BRD10: variants seen among roughly 807,000 people sequenced by gnomAD.
BRD10 encodes the protein uncharacterized bromodomain-containing protein 10.
the BRD10 span, chr9:5,923,451 C>A: frequency 1.6e-6 from 1 of 626,036 alleles, no homozygotes; most frequent in Middle Eastern, 4.3e-4. Flanking sequence ...AGCCTTAGCA[C>A]CACTGATGAA....
chr9:5,923,017 T>C, the BRD10 span: 2 of 1,614,030 alleles, frequency 1.2e-6, no homozygotes, highest in Non-Finnish European at 1.7e-6. Flanking sequence ...ACACTGGTAC[T>C]GAATCCAATG....
the BRD10 span, among the ~76,000 whole-genome samples, chr9:5,896,724 T>C: frequency 6.6e-6 from 1 of 152,234 alleles, no homozygotes; most frequent in East Asian, 1.9e-4. Flanking sequence ...CTCCAGGCCC[T>C]GTTTCCAGGG....
the BRD10 span, chr9:5,898,310 T>A: frequency 6.6e-6 from 1 of 152,670 alleles, no homozygotes; most frequent in East Asian, 1.9e-4. Context: ...CCTCCCAAAG[T>A]GTTGGGACTA....
chr9:5,913,973 A>G, the BRD10 span: 1 of 450,466 alleles, frequency 2.2e-6, no homozygotes. Context: ...GGAAAGAAGC[A>G]CTTTCTGCTA....
chr9:5,900,435 A>G, the BRD10 span, among the ~76,000 whole-genome samples: 45 of 152,304 alleles, frequency 3.0e-4, no homozygotes, highest in African/African-American at 1.1e-3. Context: ...GTCAGTTTGG[A>G]GATCAGCAGT....
the BRD10 span, chr9:6,007,633 T>A: frequency 1.2e-6 from 2 of 1,602,496 alleles, no homozygotes; most frequent in Non-Finnish European, 1.7e-6. Context: ...ATCGTCCGCG[T>A]CCTCCAGCGA....
At chr9:5,943,648 C>T in the BRD10 span, among the ~76,000 whole-genome samples, 1 of 151,712 alleles carries the variant, frequency 6.6e-6, no homozygotes, top group Non-Finnish European at 1.5e-5. Context: ...AACAGATGGT[C>T]TTCCACATCA....
At chr9:5,953,993 C>A in the BRD10 span, 1 of 1,452,318 alleles carries the variant, frequency 6.9e-7, no homozygotes, top group Admixed American at 2.1e-5. Context: ...TGAAAAATTT[C>A]GAGACAAAGT....
the BRD10 span, among the ~76,000 whole-genome samples, chr9:5,951,582 A>G: frequency 6.6e-6 from 1 of 152,194 alleles, no homozygotes; most frequent in Non-Finnish European, 1.5e-5. Flanking sequence ...CACCTTGAAC[A>G]AAACAAATAA....
At chr9:5,968,002 C>T in the BRD10 span, 3 of 1,392,918 alleles carry the variant, frequency 2.2e-6, no homozygotes, top group Non-Finnish European at 2.9e-6. Context: ...AACTCCCATC[C>T]ATTTGTGTTA....
chr9:5,952,222 T>C, the BRD10 span, among the ~76,000 whole-genome samples: 5 of 151,826 alleles, frequency 3.3e-5, no homozygotes, highest in African/African-American at 1.2e-4. Flanking sequence ...TGGGGTTTCA[T>C]ATAGGTCAGG....
the BRD10 span, among the ~76,000 whole-genome samples, chr9:5,951,532 T>C: frequency 6.6e-6 from 1 of 152,212 alleles, no homozygotes; most frequent in Non-Finnish European, 1.5e-5. Flanking sequence ...TAAATATTTC[T>C]ATATTTTTAT....
the BRD10 span, among the ~76,000 whole-genome samples, chr9:5,990,077 G>C: frequency 2.0e-5 from 3 of 152,102 alleles, no homozygotes; most frequent in Admixed American, 6.5e-5. Flanking sequence ...TGTTAAATTG[G>C]TTTTCCAAAA....
chr9:5,887,777 T>C, the BRD10 span, among the ~76,000 whole-genome samples: 1 of 152,238 alleles, frequency 6.6e-6, no homozygotes, highest in Non-Finnish European at 1.5e-5. Flanking sequence ...AGTCATGGTC[T>C]ATTGTTCTGC....
chr9:5,932,803 A>C, the BRD10 span, among the ~76,000 whole-genome samples: 1 of 152,230 alleles, frequency 6.6e-6, no homozygotes, highest in Non-Finnish European at 1.5e-5. Flanking sequence ...CCCCACAAAG[A>C]CAATTCCTAA....
the BRD10 span, among the ~76,000 whole-genome samples, chr9:6,005,857 A>G: frequency 6.6e-6 from 1 of 152,270 alleles, no homozygotes; most frequent in Non-Finnish European, 1.5e-5. Flanking sequence ...GTGAATAATT[A>G]TTCTATTACT....
At chr9:5,884,192 C>A in the BRD10 span, among the ~76,000 whole-genome samples, 2 of 152,144 alleles carry the variant, frequency 1.3e-5, no homozygotes, top group Non-Finnish European at 2.9e-5. Flanking sequence ...TTTTCACACA[C>A]AACAATACAG....
the BRD10 span, chr9:5,968,464 T>C: frequency 5.8e-5 from 93 of 1,611,786 alleles, 2 homozygotes; most frequent in South Asian, 9.8e-4. Flanking sequence ...TTGGTTTCTC[T>C]AAATTTTCTT....
the BRD10 span, chr9:5,920,982 C>G: frequency 2.5e-6 from 4 of 1,613,924 alleles, no homozygotes; most frequent in Non-Finnish European, 3.4e-6. Flanking sequence ...CCAGCTGAAG[C>G]AGAGGCTGAG....
Sources: allele counts gnomAD v4.1 joint callset (sites outside exome capture counted in the v4.1 genomes callset), GRCh38; gene constraint gnomAD v4.1.1; transcripts MANE v1.5; gene names NCBI Gene and HGNC (gene_info 2026-07-23, HGNC 2026-07-21).